CFAP299: variants seen among roughly 807,000 people sequenced by gnomAD.
The protein encoded by CFAP299 is cilia- and flagella-associated protein 299.
A neutral mutation model predicts 27.0 loss-of-function variants in CFAP299; 21 were observed. That is an observed-to-expected ratio of 0.78 (90% CI 0.55 to 1.12). The LOEUF (loss-of-function observed/expected upper bound fraction) is 1.12, where lower values mean the gene tolerates loss of function less well. Ranked by LOEUF, CFAP299 falls within the 50% of genes most tolerant of loss-of-function variation. CFAP299 has a pLI of 0.00. For missense variants in CFAP299, 310 were observed against 276.6 expected (o/e 1.12, Z -0.86); for synonymous variants, 104 against 98.1 (o/e 1.06, Z -0.36).
At chr4:80,355,918 A>G (rs1176358007) in intron 1 of CFAP299, among the ~76,000 whole-genome samples, 3 of 152,134 alleles carry the variant, frequency 2.0e-5, no homozygotes, top group African/African-American at 7.2e-5. Context: ...GCTTATGCCT[A>G]TGTCCTGAAT....
chr4:80,651,225 C>T (rs1740261394), intron 3 of CFAP299, among the ~76,000 whole-genome samples: 1 of 151,560 alleles, frequency 6.6e-6, no homozygotes, highest in African/African-American at 2.4e-5. Flanking sequence ...CTTCAGTGAC[C>T]CAAATCTAAG....
chr4:80,410,455 A>G (rs952964743), intron 2 of CFAP299, among the ~76,000 whole-genome samples: 3 of 152,272 alleles, frequency 2.0e-5, no homozygotes, highest in African/African-American at 7.2e-5. Flanking sequence ...AAGATAGTCA[A>G]TTGGGACCAT....
intron 3 of CFAP299, among the ~76,000 whole-genome samples, chr4:80,864,567 A>T (rs1732606868): frequency 6.7e-6 from 1 of 148,836 alleles, no homozygotes; most frequent in Non-Finnish European, 1.5e-5. Flanking sequence ...TAATAACTAA[A>T]ACGTTTGTTT....
chr4:80,409,997 G>C (rs1726638521), intron 2 of CFAP299, among the ~76,000 whole-genome samples: 1 of 152,180 alleles, frequency 6.6e-6, no homozygotes, highest in Non-Finnish European at 1.5e-5. Context: ...CAGCAGAAGT[G>C]ATGTAAGGAA....
intron 2 of CFAP299, among the ~76,000 whole-genome samples, chr4:80,468,833 C>CAA (rs762711937): frequency 8.0e-4 from 56 of 70,286 alleles, no homozygotes; most frequent in African/African-American, 1.2e-3. Context: ...GACTCTGTCT[C>CAA]AAAAAAAAAA....
At chr4:80,856,812 T>C (rs1731927455) in intron 3 of CFAP299, among the ~76,000 whole-genome samples, 1 of 152,082 alleles carries the variant, frequency 6.6e-6, no homozygotes, top group Admixed American at 6.5e-5. Context: ...TGTAGCCTTG[T>C]AGTATAGTTT....
At chr4:80,875,399 C>T (rs147818702) in intron 4 of CFAP299, among the ~76,000 whole-genome samples, 2 of 152,214 alleles carry the variant, frequency 1.3e-5, no homozygotes, top group East Asian at 1.9e-4. Flanking sequence ...CGGTGGCTCA[C>T]GCCTGTAATC....
intron 3 of CFAP299, among the ~76,000 whole-genome samples, chr4:80,697,507 A>G (rs1413098149): frequency 1.3e-5 from 2 of 152,198 alleles, no homozygotes; most frequent in Non-Finnish European, 2.9e-5. Context: ...AAACAAAGCA[A>G]CAATAGCAAA....
intron 2 of CFAP299, among the ~76,000 whole-genome samples, chr4:80,438,677 C>T (rs1243149793): frequency 1.3e-5 from 2 of 152,134 alleles, no homozygotes; most frequent in African/African-American, 4.8e-5. Context: ...AACTTTTATT[C>T]TTAGAAATGT....
intron 3 of CFAP299, among the ~76,000 whole-genome samples, chr4:80,864,423 T>C (rs115923237): frequency 0.024 from 3,328 of 140,972 alleles, 116 homozygotes; most frequent in African/African-American, 0.084. Flanking sequence ...TATGTGTATA[T>C]ATATAGGTAT....
chr4:80,385,798 G>A (rs753191864), intron 2 of CFAP299, among the ~76,000 whole-genome samples: 1 of 152,236 alleles, frequency 6.6e-6, no homozygotes, highest in Non-Finnish European at 1.5e-5. Context: ...GAAGAGCAAC[G>A]GACTAGAGCC....
At position 80,894,902 on chromosome 4, in the gene CFAP299, TAGACAC is replaced by T. The variant is rs567655488; in HGVS notation, c.476+24770_476+24775del. 3.9e-3 allele frequency among the ~76,000 whole-genome samples: 588 copies of T among 151,966 alleles called. 3 individuals are homozygous for T. Among genetic ancestry groups the T allele is most frequent in the Non-Finnish European group, 6.6e-3 (445 of 67,830 alleles). On this transcript the variant is annotated intron_variant, in intron 4 of 5. Transcript: ENST00000358105. Reference sequence around the variant, plus strand: ...GGACATAATGCTAAGTGAAATAAGCTAGACACAGGAAGAAAAATACTGTATGGTCCC... The same window carrying T: ...GGACATAATGCTAAGTGAAATAAGCTAGGAAGAAAAATACTGTATGGTCCC...
chr4:80,798,728 C>A (rs1342369698), intron 3 of CFAP299, among the ~76,000 whole-genome samples: 2 of 152,052 alleles, frequency 1.3e-5, no homozygotes, highest in Admixed American at 6.6e-5. Context: ...ATCACTTTGT[C>A]CACTGAACTT....
chr4:80,774,675 A>G (rs1217374746), intron 3 of CFAP299, among the ~76,000 whole-genome samples: 2 of 152,014 alleles, frequency 1.3e-5, no homozygotes, highest in Non-Finnish European at 2.9e-5. Context: ...CGATTTGGCA[A>G]CCATTTAATA....
chr4:80,509,257 T>A (rs1457017657), intron 2 of CFAP299, among the ~76,000 whole-genome samples: 1 of 152,206 alleles, frequency 6.6e-6, no homozygotes, highest in Non-Finnish European at 1.5e-5. Context: ...TGGCAGTCTT[T>A]TATTAGCTTA....
chr4:80,451,471 C>T (rs1384101623), intron 2 of CFAP299, among the ~76,000 whole-genome samples: 1 of 152,138 alleles, frequency 6.6e-6, no homozygotes, highest in Non-Finnish European at 1.5e-5. Context: ...ACTGAGTACA[C>T]TATAAGAGCT....
At chr4:80,579,139 G>C (rs1736036941) in intron 2 of CFAP299, among the ~76,000 whole-genome samples, 1 of 152,120 alleles carries the variant, frequency 6.6e-6, no homozygotes, top group African/African-American at 2.4e-5. Flanking sequence ...TTGGTATTCT[G>C]AAATATCAGG....
At chr4:80,861,256 C>T (rs568683090) in intron 3 of CFAP299, among the ~76,000 whole-genome samples, 16 of 152,062 alleles carry the variant, frequency 1.1e-4, no homozygotes, top group South Asian at 2.1e-4. Context: ...TTTTTAAGCC[C>T]GTCAGAAAAG....
chr4:80,662,215 G>T (rs1470637542), intron 3 of CFAP299, among the ~76,000 whole-genome samples: 1 of 151,960 alleles, frequency 6.6e-6, no homozygotes, highest in Non-Finnish European at 1.5e-5. Flanking sequence ...TTCCCCTTTT[G>T]AAAATCACTA....
Sources: gnomAD v4.1 joint callset for allele counts (sites outside exome capture counted in the v4.1 genomes callset) on GRCh38, gnomAD v4.1.1 for gene constraint, MANE v1.5 for transcripts, NCBI Gene and HGNC (gene_info 2026-07-23, HGNC 2026-07-21) for gene names.